Variants in NT5M observed in about 807,000 individuals in gnomAD.
The protein encoded by NT5M is 5'(3')-deoxyribonucleotidase, mitochondrial.
NT5M carries 22 observed loss-of-function variants against 22.2 expected under a neutral mutation model. That is an observed-to-expected ratio of 0.99 (90% CI 0.71 to 1.41). The LOEUF (loss-of-function observed/expected upper bound fraction) is 1.41, where lower values mean the gene tolerates loss of function less well. Among genes scored for constraint, NT5M ranks in the 40% most tolerant of loss-of-function variants. The pLI, the probability that NT5M is intolerant of heterozygous loss-of-function variation, is 0.00. For missense variants in NT5M, 322 were observed against 314.8 expected, an observed-to-expected ratio of 1.02 and a Z score of -0.17; for synonymous variants, 167 against 133.0, an observed-to-expected ratio of 1.26 and a Z score of -1.76.
intron 2 of NT5M, among the ~76,000 whole-genome samples, chr17:17,315,072 C>A (rs1239935379): frequency 6.6e-6 from 1 of 152,124 alleles, no homozygotes; most frequent in Non-Finnish European, 1.5e-5. Flanking sequence ...ATCACACACT[C>A]AAAATATTTG....
chr17:17,316,720 TTTTG>T (rs953312101), intron 2 of NT5M, among the ~76,000 whole-genome samples: 5 of 140,576 alleles, frequency 3.6e-5, no homozygotes, highest in Admixed American at 2.1e-4. Flanking sequence ...TTTGTTTTGT[TTTTG>T]TTTTTTTTTG....
intron 2 of NT5M, 117 bp from the exon 3 acceptor site, chr17:17,323,068 C>T (rs2049184288): frequency 3.6e-6 from 3 of 830,924 alleles, no homozygotes; most frequent in Non-Finnish European, 6.4e-6. Flanking sequence ...TCTCCCACAG[C>T]AGGGGAAGGG....
intron 3 of NT5M, among the ~76,000 whole-genome samples, chr17:17,329,402 G>A (rs949468295): frequency 1.5e-4 from 23 of 152,172 alleles, no homozygotes; most frequent in Admixed American, 6.5e-4. Flanking sequence ...TCTGCTCCTC[G>A]GCCTCACTGC....
intron 3 of NT5M, among the ~76,000 whole-genome samples, chr17:17,330,308 A>C (rs189231431): frequency 0.011 from 1,666 of 151,708 alleles, 39 homozygotes; most frequent in African/African-American, 0.038. Flanking sequence ...AAAAAAAAAA[A>C]AACAAAAAAA....
chr17:17,314,037 A>ATTTTTTTTTT (rs1368734191), intron 2 of NT5M, among the ~76,000 whole-genome samples: 1 of 131,958 alleles, frequency 7.6e-6, no homozygotes, highest in African/African-American at 3.1e-5. Context: ...ATATGAATAT[A>ATTTTTTTTTT]TTCTTTTTTT....
chr17:17,337,936 G>C (rs1276304197), intron 3 of NT5M, among the ~76,000 whole-genome samples: 1 of 152,108 alleles, frequency 6.6e-6, no homozygotes, highest in Non-Finnish European at 1.5e-5. Flanking sequence ...TGTTTGCTTT[G>C]GTTGCCTGTG....
intron 3 of NT5M, among the ~76,000 whole-genome samples, chr17:17,330,314 A>C (rs1391802589): frequency 2.0e-5 from 3 of 151,744 alleles, no homozygotes; most frequent in Non-Finnish European, 4.4e-5. Context: ...AAAAAAACAA[A>C]AAAAAAACCC....
chr17:17,306,726 C>A, intron 2 of NT5M, 83 bp downstream of exon 2: 1 of 941,440 alleles, frequency 1.1e-6, no homozygotes, highest in Non-Finnish European at 1.7e-6. Context: ...CTTCCCTCCT[C>A]TGCCTTCTCC....
rs1320124154 is a variant in NT5M, at chr17:17,303,706, A to G, written c.156A>G (p.Gly52=). The change falls in exon 1 of 5, where the codon GGA becomes GGG. Residue 52 remains glycine, a synonymous_variant. Transcript: ENST00000389022. ...MDGVLADFEG[G]FLRKFRARFP... ...GCGTGCTGGCTGACTTCGAGGGCGG[A>G]TTCCTCAGGAAGTTCCGCGCGCGCT... 1.9e-6 allele frequency: 3 copies of G among 1,589,880 alleles called. No individual in the cohort carries two copies. The highest frequency in any genetic ancestry group is 3.4e-5 in the Admixed American group (2 of 58,140).
At chr17:17,312,661 A>T (rs2048944422) in intron 2 of NT5M, among the ~76,000 whole-genome samples, 1 of 150,428 alleles carries the variant, frequency 6.6e-6, no homozygotes, top group Non-Finnish European at 1.5e-5. Context: ...AAAAAAAAAA[A>T]ATGTATTCTA....
rs546164022 is a variant in NT5M, at chr17:17,320,057, G to T, written c.369-3128G>T. ...GGGTTTCACCATGTTGACCAGGCTGGTCTTGAACTCCTGACCTCAGGTGAT... is the reference window on the plus strand; with the variant it reads ...GGGTTTCACCATGTTGACCAGGCTGTTCTTGAACTCCTGACCTCAGGTGAT... On this transcript the variant is annotated intron_variant, in intron 2 of 4. Transcript: ENST00000389022. 2.0e-5 allele frequency among the ~76,000 whole-genome samples: 3 copies of T among 152,304 alleles called. No individual in the cohort carries two copies. The East Asian group carries it at 5.8e-4, about 29-fold the overall frequency.
chr17:17,344,924 C>G lies in NT5M; in HGVS notation c.544+16C>G, dbSNP rs756481007. 1 of 1,613,986 alleles carries G rather than the reference C, an allele frequency of 6.2e-7. No individual in the cohort carries two copies. The highest frequency in any genetic ancestry group is 1.1e-5 in the South Asian group (1 of 91,082). On this transcript the variant is annotated intron_variant, in intron 4 of 4. Transcript: ENST00000389022. The stretch of plus-strand genomic sequence containing the variant: ...GACATCACAGGCAAGTGGCCTGCGA[C>G]AGGTGAGGAGCACGTGGGGAGGGCC...
chr17:17,309,704 G>T (rs1326981407), intron 2 of NT5M, among the ~76,000 whole-genome samples: 5 of 134,564 alleles, frequency 3.7e-5, no homozygotes, highest in Non-Finnish European at 4.7e-5. Flanking sequence ...TTGAGACAGA[G>T]TTTTTGAGAC....
At chr17:17,342,891 T>C (rs1215514883) in intron 3 of NT5M, among the ~76,000 whole-genome samples, 1 of 152,232 alleles carries the variant, frequency 6.6e-6, no homozygotes, top group Non-Finnish European at 1.5e-5. Context: ...GACCATCGTC[T>C]CTCTGGTTCC....
chr17:17,344,702 G>T, intron 3 of NT5M, 92 bp from the exon 4 acceptor site: 1 of 1,494,496 alleles, frequency 6.7e-7, no homozygotes, highest in East Asian at 2.3e-5. Context: ...GTTAGCTGAG[G>T]TCTAGGCTGA....
At chr17:17,304,326 G>T (rs1197722794) in intron 1 of NT5M, 3 of 794,148 alleles carry the variant, frequency 3.8e-6, no homozygotes, top group Middle Eastern at 6.3e-4. Context: ...AGTGGTCCAG[G>T]TGAGGTGGGA....
At chr17:17,343,391 G>A (rs1343191606) in intron 3 of NT5M, among the ~76,000 whole-genome samples, 2 of 152,340 alleles carry the variant, frequency 1.3e-5, no homozygotes, top group Non-Finnish European at 2.9e-5. Context: ...GGCGTGGCAA[G>A]CGAGGTGGCC....
At chr17:17,314,856 C>T (rs1381633096) in intron 2 of NT5M, among the ~76,000 whole-genome samples, 4 of 152,208 alleles carry the variant, frequency 2.6e-5, no homozygotes, top group African/African-American at 9.6e-5. Context: ...TGCATGTTGC[C>T]TCCTCACAGA....
At chr17:17,325,342 T>C (rs1253741482) in intron 3 of NT5M, among the ~76,000 whole-genome samples, 1 of 151,994 alleles carries the variant, frequency 6.6e-6, no homozygotes, top group African/African-American at 2.4e-5. Flanking sequence ...AGACCCGATG[T>C]ATCTGTCCCT....
Sources: allele counts gnomAD v4.1 joint callset (sites outside exome capture counted in the v4.1 genomes callset), GRCh38; gene constraint gnomAD v4.1.1; transcripts MANE v1.5; gene names NCBI Gene and HGNC (gene_info 2026-07-23, HGNC 2026-07-21).